Variants in LRRTM4 observed in about 807,000 individuals in gnomAD.
LRRTM4 encodes leucine rich repeat transmembrane neuronal 4.
In LRRTM4, 25 loss-of-function variants were observed where a neutral mutation model predicts 47.6. That is an observed-to-expected ratio of 0.53 (90% confidence interval 0.38 to 0.73). The LOEUF (loss-of-function observed/expected upper bound fraction) is 0.73. Among genes scored for constraint, LRRTM4 ranks in the 30% least tolerant of loss-of-function variants. The pLI, the probability that LRRTM4 is intolerant of heterozygous loss-of-function variation, is 0.00. For synonymous variants in LRRTM4, 311 were observed against 269.5 expected (o/e 1.15, Z -1.51); for missense variants, 638 against 713.4 (o/e 0.89, Z 1.20).
intron 3 of LRRTM4, among the ~76,000 whole-genome samples, chr2:77,140,709 T>A (rs866438697): frequency 6.6e-5 from 10 of 151,920 alleles, no homozygotes; most frequent in Non-Finnish European, 1.5e-4. Flanking sequence ...TGGGAGAAAA[T>A]TTTTGCAAGC....
chr2:77,452,563 A>C (rs1676299512), intron 3 of LRRTM4, among the ~76,000 whole-genome samples: 1 of 152,236 alleles, frequency 6.6e-6, no homozygotes, highest in South Asian at 2.1e-4. Context: ...TGAGCTATCA[A>C]GGGAGACCAG....
chr2:77,490,199 G>A (rs1678085240), intron 3 of LRRTM4, among the ~76,000 whole-genome samples: 1 of 151,758 alleles, frequency 6.6e-6, no homozygotes, highest in African/African-American at 2.4e-5. Flanking sequence ...GCAGTGAGCC[G>A]AGACCGCACC....
chr2:77,395,414 A>G (rs1673664520), intron 3 of LRRTM4, among the ~76,000 whole-genome samples: 1 of 151,958 alleles, frequency 6.6e-6, no homozygotes, highest in South Asian at 2.1e-4. Flanking sequence ...TAAGATATCT[A>G]CTTTCTGAAG....
At chr2:77,326,019 C>A (rs1291031163) in intron 3 of LRRTM4, among the ~76,000 whole-genome samples, 1 of 152,176 alleles carries the variant, frequency 6.6e-6, no homozygotes. Context: ...CTCTGCTCCC[C>A]CAGAGCAGGT....
At chr2:77,073,084 T>G (rs898566755) in intron 3 of LRRTM4, among the ~76,000 whole-genome samples, 1 of 152,036 alleles carries the variant, frequency 6.6e-6, no homozygotes, top group Admixed American at 6.5e-5. Flanking sequence ...GGCATCAGAA[T>G]CTGCATTTGA....
At chr2:76,974,075 C>T (rs993904556) in intron 3 of LRRTM4, among the ~76,000 whole-genome samples, 8 of 150,238 alleles carry the variant, frequency 5.3e-5, no homozygotes, top group South Asian at 2.1e-4. Context: ...TTTTACCATC[C>T]GTTTAAAAAA....
At chr2:77,457,195 T>C (rs539777777) in intron 3 of LRRTM4, among the ~76,000 whole-genome samples, 1 of 151,722 alleles carries the variant, frequency 6.6e-6, no homozygotes, top group East Asian at 1.9e-4. Flanking sequence ...AGAGTTTTAA[T>C]GGCATCTTAA....
chr2:77,032,660 A>G (rs757937413), intron 3 of LRRTM4, among the ~76,000 whole-genome samples: 1 of 152,140 alleles, frequency 6.6e-6, no homozygotes, highest in African/African-American at 2.4e-5. Flanking sequence ...GATCATTAAT[A>G]TATGTTTTAT....
At chr2:77,015,599 C>T (rs535276625) in intron 3 of LRRTM4, among the ~76,000 whole-genome samples, 61 of 151,992 alleles carry the variant, frequency 4.0e-4, no homozygotes, top group African/African-American at 1.4e-3. Context: ...GCTGGGATTA[C>T]AGGTGTGAGC....
intron 3 of LRRTM4, among the ~76,000 whole-genome samples, chr2:77,078,836 A>C (rs1680434944): frequency 6.6e-6 from 1 of 152,198 alleles, no homozygotes; most frequent in Non-Finnish European, 1.5e-5. Context: ...GTAGCTGATT[A>C]ACAATATAAA....
intron 3 of LRRTM4, among the ~76,000 whole-genome samples, chr2:76,949,512 T>C (rs942353832): frequency 6.6e-6 from 1 of 151,862 alleles, no homozygotes; most frequent in Non-Finnish European, 1.5e-5. Context: ...ATAGAAGAGA[T>C]AACATTTTCA....
At chr2:77,001,978 G>T (rs900100024) in intron 3 of LRRTM4, among the ~76,000 whole-genome samples, 1 of 152,004 alleles carries the variant, frequency 6.6e-6, no homozygotes, top group South Asian at 2.1e-4. Context: ...GCCTTCTCAT[G>T]CCTGGCATTT....
In LRRTM4 at chr2:77,155,750, T is replaced by C. The variant is rs560711397; in HGVS notation, c.1551+362568A>G. The stretch of plus-strand genomic sequence containing the variant: ...CTGGAAGGTTACGGGAGGGGGAGGA[T>C]GGGAAGAGGTTGGTTAAATGGTCCA... On this transcript the variant is annotated intron_variant, in intron 3 of 3. Coordinates refer to ENST00000409884, the MANE Select transcript of LRRTM4 (RefSeq NM_001134745.3). Among the ~76,000 whole-genome samples, 135 of 151,928 alleles carry C rather than the reference T, an allele frequency of 8.9e-4. 1 individual carries two copies. The highest frequency in any genetic ancestry group is 3.1e-3 in the African/African-American group (128 of 41,478).
intron 3 of LRRTM4, among the ~76,000 whole-genome samples, chr2:77,409,301 A>G (rs141739988): frequency 2.4e-4 from 36 of 152,134 alleles, no homozygotes; most frequent in Admixed American, 6.5e-4. Flanking sequence ...ACGGAATTCT[A>G]TTTTCTTACG....
Position 77,519,980 on chromosome 2 carries a change from G to A in LRRTM4, c.5-116C>T. ...TGTAGGAATGGGACAGTTGATTTAA[G>A]GAAAATGCATTAACATTTCGAGCAT... On this transcript the variant is annotated intron_variant, in intron 2 of 3. Coordinates refer to ENST00000409884, the MANE Select transcript of LRRTM4 (RefSeq NM_001134745.3). This position sits in a 1 kb window ranked among gnomAD's most constrained non-coding sequence, Gnocchi z 4.6. The A allele has an allele frequency of 1.4e-6, 2 of 1,414,630 alleles. No individual in the cohort carries two copies. The highest frequency in any genetic ancestry group is 2.5e-5 in the East Asian group (1 of 39,858). The allele number at this position is 1,414,630 out of a possible 1,614,324, so 87.6% of individuals were successfully genotyped here.
chr2:76,978,563 C>T (rs1026806979), intron 3 of LRRTM4, among the ~76,000 whole-genome samples: 1 of 151,976 alleles, frequency 6.6e-6, no homozygotes, highest in Non-Finnish European at 1.5e-5. Context: ...AAAAATGAAA[C>T]TGGTGAGATA....
intron 3 of LRRTM4, among the ~76,000 whole-genome samples, chr2:76,915,617 CAA>C (rs1346938782): frequency 2.0e-5 from 3 of 152,190 alleles, no homozygotes; most frequent in African/African-American, 7.2e-5. Context: ...TACCAAGACA[CAA>C]AAGAGTCACC....
At chr2:77,017,123 T>C (rs1355759685) in intron 3 of LRRTM4, among the ~76,000 whole-genome samples, 2 of 152,162 alleles carry the variant, frequency 1.3e-5, no homozygotes, top group African/African-American at 2.4e-5. Flanking sequence ...TTAAGTATCA[T>C]CAGAAAGAAT....
At chr2:76,827,167 G>A (rs188182993) in intron 3 of LRRTM4, among the ~76,000 whole-genome samples, 27 of 151,794 alleles carry the variant, frequency 1.8e-4, no homozygotes, top group Admixed American at 4.6e-4. Context: ...TGGCCACACT[G>A]AAGTTAAGTA....
Sources: gnomAD v4.1 joint callset for allele counts (sites outside exome capture counted in the v4.1 genomes callset) on GRCh38, gnomAD v4.1.1 for gene constraint, Gnocchi (gnomAD v3.1) non-coding constraint, MANE v1.5 for transcripts, NCBI Gene and HGNC (gene_info 2026-07-23, HGNC 2026-07-21) for gene names.